EPHX1: variants seen among roughly 807,000 people sequenced by gnomAD.
The protein encoded by EPHX1 is epoxide hydratase.
A neutral mutation model predicts 43.2 loss-of-function variants in EPHX1; 40 were observed. That is an observed-to-expected ratio of 0.93 (90% CI 0.72 to 1.21). The LOEUF (loss-of-function observed/expected upper bound fraction) is 1.21, where lower values mean the gene tolerates loss of function less well. Ranked by LOEUF, EPHX1 falls within the 50% of genes most tolerant of loss-of-function variation. The pLI, the probability that EPHX1 is intolerant of heterozygous loss-of-function variation, is 0.00. For synonymous variants in EPHX1, 221 were observed against 226.7 expected, an observed-to-expected ratio of 0.98 and a Z score of 0.22; for missense variants, 550 against 570.4, an observed-to-expected ratio of 0.96 and a Z score of 0.36.
chr1:225,838,962 G>T, intron 4 of EPHX1, 81 bp downstream of exon 4: 1 of 1,524,372 alleles, frequency 6.6e-7, no homozygotes. Flanking sequence ...TCTCCTTCCG[G>T]CGGGGTGAGC....
At chr1:225,837,288 C>T (rs1348359762) in intron 3 of EPHX1, among the ~76,000 whole-genome samples, 1 of 152,138 alleles carries the variant, frequency 6.6e-6, no homozygotes, top group Non-Finnish European at 1.5e-5. Flanking sequence ...TTAGCTAGAC[C>T]ATGCTGACTG....
chr1:225,843,046 G>A (rs962808461), intron 7 of EPHX1, among the ~76,000 whole-genome samples: 2 of 152,222 alleles, frequency 1.3e-5, no homozygotes, highest in Non-Finnish European at 2.9e-5. Flanking sequence ...CTGGGGATGG[G>A]AAAGACAGTA....
At chr1:225,844,013 T>C (rs1011664708) in intron 7 of EPHX1, among the ~76,000 whole-genome samples, 8 of 152,064 alleles carry the variant, frequency 5.3e-5, no homozygotes, top group Admixed American at 4.6e-4. Flanking sequence ...CTGTGGAGTA[T>C]GCATCCTGGA....
chr1:225,843,149 G>A (rs997204512), intron 7 of EPHX1, among the ~76,000 whole-genome samples: 21 of 152,222 alleles, frequency 1.4e-4, no homozygotes, highest in African/African-American at 5.1e-4. Flanking sequence ...AACAGTGGGA[G>A]AGCCCAGTAC....
intron 3 of EPHX1, among the ~76,000 whole-genome samples, chr1:225,834,011 T>C (rs1667793882): frequency 7.0e-6 from 1 of 142,718 alleles, no homozygotes; most frequent in South Asian, 2.3e-4. Context: ...GGCAGAAGAA[T>C]AGCGTGAACC....
chr1:225,828,162 G>A (rs1248676248), intron 1 of EPHX1, among the ~76,000 whole-genome samples: 2 of 152,110 alleles, frequency 1.3e-5, no homozygotes, highest in African/African-American at 4.8e-5. Context: ...TGGCTAACAT[G>A]GTGAAACCCC....
rs1037939277 is a variant in EPHX1, at chr1:225,831,762, C to T, written c.184-17C>T. ...CTTCCCATCCCTCTCAACTTGGGGT[C>T]CTGAATTTTGCTCCAGGACTTACAC... On this transcript the variant is annotated splice_polypyrimidine_tract_variant and intron_variant, in intron 2 of 8. Transcript: ENST00000272167. 26 of 1,613,358 alleles carry T rather than the reference C, an allele frequency of 1.6e-5. 1 individual carries two copies. The highest frequency in any genetic ancestry group is 2.2e-5 in the Non-Finnish European group (26 of 1,179,936).
chr1:225,824,156 C>T (rs771179292), intron 1 of EPHX1, among the ~76,000 whole-genome samples: 20 of 152,158 alleles, frequency 1.3e-4, no homozygotes, highest in Non-Finnish European at 2.5e-4. Context: ...CCGCCGCCCC[C>T]GCAGTCCTTC....
At chr1:225,821,526 G>GATTTACCTTTTAAC (rs1481472023) in intron 1 of EPHX1, among the ~76,000 whole-genome samples, 3 of 147,768 alleles carry the variant, frequency 2.0e-5, no homozygotes, top group Admixed American at 6.7e-5. Context: ...GATTACAGGT[G>GATTTACCTTTTAAC]TGAGCCACCA....
chr1:225,828,636 G>C, intron 1 of EPHX1, 89 bp from the exon 2 acceptor site: 8 of 1,380,838 alleles, frequency 5.8e-6, no homozygotes, highest in Non-Finnish European at 6.1e-6. Flanking sequence ...GAGCGCAGCA[G>C]GAAAGAGCCT....
chr1:225,812,926 T>C (rs1397413768), intron 1 of EPHX1, among the ~76,000 whole-genome samples: 1 of 152,162 alleles, frequency 6.6e-6, no homozygotes, highest in African/African-American at 2.4e-5. Context: ...CAGCAATTCA[T>C]TCCTTTGAGA....
intron 1 of EPHX1, among the ~76,000 whole-genome samples, chr1:225,811,589 C>T (rs1284103786): frequency 6.6e-6 from 1 of 152,212 alleles, no homozygotes; most frequent in African/African-American, 2.4e-5. Flanking sequence ...TCCTCTGCAT[C>T]CAGCATAATT....
At chr1:225,811,837 C>T (rs1666498443) in intron 1 of EPHX1, among the ~76,000 whole-genome samples, 2 of 152,204 alleles carry the variant, frequency 1.3e-5, no homozygotes, top group Admixed American at 1.3e-4. Flanking sequence ...GAACTGCTCA[C>T]TGTGGAACTG....
At chr1:225,819,158 C>T (rs1258007322) in intron 1 of EPHX1, among the ~76,000 whole-genome samples, 3 of 35,304 alleles carry the variant, frequency 8.5e-5, no homozygotes, top group African/African-American at 1.9e-4. Flanking sequence ...ACCCGGGAGG[C>T]GGAGCTTGCA....
At chr1:225,829,140 C>T (rs931992717) in intron 2 of EPHX1, among the ~76,000 whole-genome samples, 1 of 152,094 alleles carries the variant, frequency 6.6e-6, no homozygotes, top group Non-Finnish European at 1.5e-5. Context: ...TACCCAAGGC[C>T]CAGCAGTGCT....
chr1:225,836,536 T>C (rs1298271453), intron 3 of EPHX1, among the ~76,000 whole-genome samples: 1 of 152,018 alleles, frequency 6.6e-6, no homozygotes, highest in Admixed American at 6.6e-5. Context: ...AGGTTGAGGC[T>C]GCAGTGAGCC....
Position 225,839,230 on chromosome 1 carries a change from GGCCACCGCCAGGATCTTTTACAAGCTGAT to G in EPHX1, c.609_637del (p.Thr204AlafsTer21). On this transcript the variant is annotated frameshift_variant, in exon 5 of 9. Transcript: ENST00000272167. LOFTEE classifies it high-confidence loss of function. ...CATCACTGCCAGGGTTCAACTCGGT[GGCCACCGCCAGGATCTTTTACAAGCTGAT>G]GCTGCGGCTGGGCTTCCAGGAATTC... 6.2e-7 allele frequency: 1 copy of G among 1,614,108 alleles called. No homozygotes were observed. Among genetic ancestry groups the G allele is most frequent in the Non-Finnish European group, 8.5e-7 (1 of 1,180,020 alleles).
intron 1 of EPHX1, among the ~76,000 whole-genome samples, chr1:225,816,502 A>G (rs1666730286): frequency 1.3e-5 from 2 of 152,198 alleles, no homozygotes; most frequent in Non-Finnish European, 2.9e-5. Context: ...TGTGAGATGG[A>G]ATGGGACCTC....
At chr1:225,836,192 G>A (rs1667957314) in intron 3 of EPHX1, among the ~76,000 whole-genome samples, 1 of 152,206 alleles carries the variant, frequency 6.6e-6, no homozygotes, top group Non-Finnish European at 1.5e-5. Context: ...TGGTGTGTGA[G>A]TCCTGGATGG....
Sources: allele counts gnomAD v4.1 joint callset (sites outside exome capture counted in the v4.1 genomes callset), GRCh38; gene constraint gnomAD v4.1.1; transcripts MANE v1.5; gene names NCBI Gene and HGNC (gene_info 2026-07-23, HGNC 2026-07-21).